The following TMOD3 variants were observed in gnomAD, a reference collection of about 807,000 sequenced individuals.
TMOD3 encodes tropomodulin-3.
A neutral mutation model predicts 39.2 loss-of-function variants in TMOD3; 20 were observed. The ratio of observed to expected loss-of-function variants is 0.51; its 90% CI spans 0.36 to 0.74. The LOEUF (loss-of-function observed/expected upper bound fraction) is 0.74, where lower values mean the gene tolerates loss of function less well. TMOD3 is among the 30% of genes least tolerant of loss of function. TMOD3 has a pLI of 0.00. For missense variants in TMOD3, 381 were observed against 412.8 expected (o/e 0.92, Z 0.67); for synonymous variants, 143 against 145.8 (o/e 0.98, Z 0.14).
At chr15:51,871,983 A>G (rs1383321145) in intron 3 of TMOD3, among the ~76,000 whole-genome samples, 1 of 152,184 alleles carries the variant, frequency 6.6e-6, no homozygotes, top group Non-Finnish European at 1.5e-5. Context: ...AGTGATTAAG[A>G]TGATAGCTTT....
chr15:51,894,597 CCT>C (rs1566866258), intron 6 of TMOD3, among the ~76,000 whole-genome samples: 3 of 152,148 alleles, frequency 2.0e-5, no homozygotes, highest in Non-Finnish European at 2.9e-5. Context: ...AGCTCTAGCC[CCT>C]GACAACCACT....
rs753349972 is a variant in TMOD3, at chr15:51,869,362, G to T, written c.272G>T (p.Gly91Val). The T allele has an allele frequency of 1.9e-6, 3 of 1,604,852 alleles. No homozygotes were observed. In the South Asian group the frequency reaches 3.4e-5, roughly 18 times the overall value. ...AGGGAAGACTATGTGCCCTACACTG[G>T]AGAAAAAAAAGGTAAGCCCCAGAAT... is the stretch of plus-strand genomic sequence containing the variant. ...KDREDYVPYT[G>V]EKKGKIFIPK... is the part of the protein sequence containing the mutation. The change falls in exon 3 of 10, where the codon GGA becomes GTA. Residue 91 changes from glycine (G) to valine (V), a missense_variant. By Grantham distance (109) the Gly-to-Val change is moderately radical. Transcript: ENST00000308580.
intron 3 of TMOD3, among the ~76,000 whole-genome samples, chr15:51,872,596 A>ATATG (rs2056480855): frequency 9.3e-6 from 1 of 107,436 alleles, no homozygotes; most frequent in African/African-American, 3.3e-5. Context: ...TGAGGACCAA[A>ATATG]TTTGTTTTTT....
At chr15:51,833,514 C>G (rs1195052088) in intron 1 of TMOD3, 2 of 152,168 alleles carry the variant, frequency 1.3e-5, no homozygotes, top group African/African-American at 4.8e-5. Context: ...AGAAAGTTCC[C>G]TCACCCACCT....
rs112515250 is a variant in TMOD3 at position 51,887,431 on chromosome 15, G to A, written c.284-158G>A. 1.3e-5 allele frequency: 10 copies of A among 759,426 alleles called. No individual in the cohort carries two copies. In the South Asian group the frequency reaches 1.4e-4, roughly 10 times the overall value. The allele number at this position is 759,426 out of a possible 1,614,324, so 47.0% of individuals were successfully genotyped here. On this transcript the variant is annotated intron_variant, in intron 3 of 9. Coordinates refer to ENST00000308580, the MANE Select transcript of TMOD3 (RefSeq NM_014547.5). ...CCAACTTTTACAGCCAAAATATTAC[G>A]CTGGAAACTTAAAAATCTATGTCAG... is the stretch of plus-strand genomic sequence containing the variant.
At position 51,893,805 on chromosome 15, in the gene TMOD3, A is replaced by G. The variant is rs773505942; in HGVS notation, c.497-10A>G. On this transcript the variant is annotated splice_polypyrimidine_tract_variant and intron_variant, in intron 5 of 9. Transcript: ENST00000308580. ...GTATCAAATCCTGCTCTTTTCATTT[A>G]TCACTGCAGATGTGGTCAAAGGTGA... is the stretch of plus-strand genomic sequence containing the variant. 5.3e-6 allele frequency: 8 copies of G among 1,512,828 alleles called. No individual in the cohort carries two copies. The African/African-American group carries it at 9.9e-5, about 19-fold the overall frequency. The allele number at this position is 1,512,828 out of a possible 1,614,324, so 93.7% of individuals were successfully genotyped here. A position where few individuals can be genotyped will look rare whatever the true frequency, so the allele number is the denominator to read the frequency against.
chr15:51,890,497 T>C (rs1181205224), intron 5 of TMOD3, among the ~76,000 whole-genome samples: 1 of 152,106 alleles, frequency 6.6e-6, no homozygotes, highest in Non-Finnish European at 1.5e-5. Context: ...GAATGCTTAC[T>C]GTGGGCCATG....
At chr15:51,880,154 C>T (rs1302251731) in intron 3 of TMOD3, among the ~76,000 whole-genome samples, 1 of 152,098 alleles carries the variant, frequency 6.6e-6, no homozygotes, top group African/African-American at 2.4e-5. Context: ...TCTCGGGAAA[C>T]AGCTGATTTT....
rs561285675 is a variant in TMOD3, at chr15:51,855,359, CTG to C, written c.-74-7448_-74-7447del. Among the ~76,000 whole-genome samples the C allele has an allele frequency of 1.7e-4, 26 of 152,324 alleles. 1 individual carries two copies. The East Asian group carries it at 2.5e-3, about 15-fold the overall frequency. On this transcript the variant is annotated intron_variant, in intron 1 of 9. Coordinates refer to ENST00000308580, the MANE Select transcript of TMOD3 (RefSeq NM_014547.5). ...AAACACTGGGGGTGGGCCCAGGAAT[CTG>C]TGTTTTAGCAAGCCCACCAGGAGAT...
chr15:51,845,790 G>A (rs2056332760), intron 1 of TMOD3, among the ~76,000 whole-genome samples: 1 of 152,032 alleles, frequency 6.6e-6, no homozygotes, highest in Admixed American at 6.6e-5. Flanking sequence ...TCTGGGTTTT[G>A]TTTGTTTTTC....
At chr15:51,854,349 A>G (rs555620537) in intron 1 of TMOD3, among the ~76,000 whole-genome samples, 1 of 152,360 alleles carries the variant, frequency 6.6e-6, no homozygotes, top group African/African-American at 2.4e-5. Context: ...GGCCCCCTGT[A>G]GTTTGCCTAA....
intron 9 of TMOD3, among the ~76,000 whole-genome samples, chr15:51,907,751 AG>A (rs1208322586): frequency 1.3e-5 from 2 of 152,204 alleles, no homozygotes; most frequent in African/African-American, 4.8e-5. Context: ...AATGCTCTCT[AG>A]TGGCTGATAG....
intron 1 of TMOD3, among the ~76,000 whole-genome samples, chr15:51,839,978 G>A (rs1011138105): frequency 6.6e-6 from 1 of 152,104 alleles, no homozygotes; most frequent in Non-Finnish European, 1.5e-5. Context: ...AATGCTTACT[G>A]AGTCCCCTTA....
chr15:51,887,597 T>C lies in TMOD3; in HGVS notation c.292T>C (p.Phe98Leu). 1 of 1,610,822 alleles carries C rather than the reference T, an allele frequency of 6.2e-7. No individual in the cohort carries two copies. Among genetic ancestry groups the C allele is most frequent in the Non-Finnish European group, 8.5e-7 (1 of 1,179,218 alleles). Residue 98 changes from phenylalanine (F) to leucine (L), a missense_variant, in exon 4 of 10, where the codon TTT becomes CTT. Physicochemically the swap from Phe to Leu is conservative, Grantham distance 22. Transcript: ENST00000308580. ...AATGCTTTATTTTACAGGGAAAATA[T>C]TTATCCCCAAACAGAAACCTGTACA... The part of the protein sequence containing the change: ...PYTGEKKGKI[F>L]IPKQKPVQTF...
At chr15:51,898,351 C>G (rs1349233167) in intron 7 of TMOD3, among the ~76,000 whole-genome samples, 1 of 152,210 alleles carries the variant, frequency 6.6e-6, no homozygotes, top group Non-Finnish European at 1.5e-5. Flanking sequence ...TGAGGCTTTT[C>G]CTGACCGTGC....
rs2056723028 is a variant in TMOD3, at chr15:51,913,992, A to C, written c.*5182A>C. 6.9e-6 allele frequency: 1 copy of C among 143,892 alleles called. No individual in the cohort carries two copies. The highest frequency in any genetic ancestry group is 1.5e-5 in the Non-Finnish European group (1 of 66,646). 8.9% of individuals were successfully genotyped at this position (143,892 alleles called of 1,614,324 possible). On this transcript the variant is annotated 3_prime_UTR_variant, in exon 10 of 10. Coordinates refer to ENST00000308580, the MANE Select transcript of TMOD3 (RefSeq NM_014547.5). ...CATGCTGCTGTACTCTAGCCTGGGC[A>C]ATGAGAGTGAAACTCTTATCTCAAA...
intron 5 of TMOD3, among the ~76,000 whole-genome samples, chr15:51,892,014 C>G (rs1453179553): frequency 6.6e-6 from 1 of 152,162 alleles, no homozygotes; most frequent in Admixed American, 6.5e-5. Flanking sequence ...TCAGATTTTT[C>G]ACCTGACCTC....
chr15:51,832,037 C>G (rs118092362), intron 1 of TMOD3, among the ~76,000 whole-genome samples: 4,966 of 150,902 alleles, frequency 0.033, 123 homozygotes, highest in Non-Finnish European at 0.05. Context: ...AATAGATTAG[C>G]CAGGTGTAGT....
chr15:51,902,622 G>A (rs1389394899), intron 9 of TMOD3, among the ~76,000 whole-genome samples: 12 of 143,506 alleles, frequency 8.4e-5, no homozygotes, highest in African/African-American at 2.1e-4. Context: ...AGGCGTGCGC[G>A]CCGTGCCCAG....
Sources: gnomAD v4.1 joint callset for allele counts (sites outside exome capture counted in the v4.1 genomes callset) on GRCh38, gnomAD v4.1.1 for gene constraint, MANE v1.5 for transcripts, NCBI Gene and HGNC (gene_info 2026-07-23, HGNC 2026-07-21) for gene names.